LAMC1: variants seen among roughly 807,000 people sequenced by gnomAD.
The protein encoded by LAMC1 is laminin subunit gamma 1, also known as laminin subunit gamma-1.
LAMC1 carries 38 observed loss-of-function variants against 173.6 expected under a neutral mutation model. That is an observed-to-expected ratio of 0.22 (90% CI 0.17 to 0.29). The LOEUF (loss-of-function observed/expected upper bound fraction) is 0.29, where lower values mean the gene tolerates loss of function less well. Among genes scored for constraint, LAMC1 ranks in the 10% least tolerant of loss-of-function variants. LAMC1 has a pLI of 1.00. For synonymous variants in LAMC1, 746 were observed against 749.1 expected, an observed-to-expected ratio of 1.00 and a Z score of 0.07; for missense variants, 1,824 against 2,051.8, an observed-to-expected ratio of 0.89 and a Z score of 2.14.
chr1:183,085,542 T>C (rs1655404205), intron 1 of LAMC1, among the ~76,000 whole-genome samples: 1 of 152,020 alleles, frequency 6.6e-6, no homozygotes, highest in Non-Finnish European at 1.5e-5. Flanking sequence ...TTTGTGTTTT[T>C]TTTTTCTGTA....
intron 1 of LAMC1, among the ~76,000 whole-genome samples, chr1:183,067,448 T>TTA (rs1338008267): frequency 6.6e-6 from 1 of 152,168 alleles, no homozygotes; most frequent in Non-Finnish European, 1.5e-5. Context: ...TGTTCTGTAC[T>TTA]TATATATATA....
chr1:183,116,530 A>T (rs369228599), intron 6 of LAMC1, 47 bp from the exon 7 acceptor site: 1 of 1,296,346 alleles, frequency 7.7e-7, no homozygotes, highest in Middle Eastern at 1.9e-4. Flanking sequence ...TGAAGAGTGG[A>T]AGTTTTCTCC....
Position 183,026,529 on chromosome 1 carries a change from C to T in LAMC1, c.418+2395C>T, listed in dbSNP as rs548292524. Among the ~76,000 whole-genome samples, 6 of 152,302 alleles carry T rather than the reference C, an allele frequency of 3.9e-5. No individual in the cohort carries two copies. In the South Asian group the frequency reaches 1.2e-3, roughly 32 times the overall value. On this transcript the variant is annotated intron_variant, in intron 1 of 27. Transcript: ENST00000258341. ...GATGTTTAGCATATTCACTCCCCAACTCCAGTTACTCCATGGGCTGTAGCT... is the reference window on the plus strand; with the variant it reads ...GATGTTTAGCATATTCACTCCCCAATTCCAGTTACTCCATGGGCTGTAGCT...
intron 1 of LAMC1, among the ~76,000 whole-genome samples, chr1:183,039,640 A>C (rs1192006195): frequency 2.0e-5 from 3 of 152,206 alleles, no homozygotes; most frequent in Non-Finnish European, 2.9e-5. Context: ...GGTAGACTTC[A>C]GGATCATTCA....
rs146332680 is a variant in LAMC1, at chr1:183,133,322, A to T, written c.3705-84A>T. The T allele has an allele frequency of 6.6e-6, 8 of 1,217,542 alleles. No individual in the cohort carries two copies. In the African/African-American group the frequency reaches 1.2e-4, roughly 19 times the overall value. The allele number at this position is 1,217,542 out of a possible 1,614,324, so 75.4% of individuals were successfully genotyped here. A position where few individuals can be genotyped will look rare whatever the true frequency, so the allele number is the denominator to read the frequency against. On this transcript the variant is annotated intron_variant, in intron 21 of 27. Coordinates refer to ENST00000258341, the MANE Select transcript of LAMC1 (RefSeq NM_002293.4). ...TTTCCTTTGAGGTTTTGGGCGTATT[A>T]TCACATGATCATGTTAATCTGGTTA... is the stretch of plus-strand genomic sequence containing the variant.
chr1:183,122,019 T>C lies in LAMC1; in HGVS notation c.2213-44T>C, dbSNP rs751753997. ...TGTAGAAAGTGCTCATTGTCTTATA[T>C]ACTTGTACATTTGCCTGTTTTCTCA... On this transcript the variant is annotated intron_variant, in intron 12 of 27. Coordinates refer to ENST00000258341, the MANE Select transcript of LAMC1 (RefSeq NM_002293.4). 4 of 1,609,340 alleles carry C rather than the reference T, an allele frequency of 2.5e-6. No individual in the cohort carries two copies. In the East Asian group the frequency reaches 6.7e-5, roughly 27 times the overall value.
intron 26 of LAMC1, among the ~76,000 whole-genome samples, chr1:183,138,880 G>T (rs537571623): frequency 2.0e-5 from 3 of 151,970 alleles, no homozygotes; most frequent in Admixed American, 6.6e-5. Context: ...ATGGTGAAAC[G>T]CTATCTCTAC....
intron 1 of LAMC1, among the ~76,000 whole-genome samples, chr1:183,037,790 G>A (rs1241787478): frequency 6.6e-6 from 1 of 151,998 alleles, no homozygotes; most frequent in East Asian, 1.9e-4. Context: ...TTCCCATTAG[G>A]ACATGTATTT....
At position 183,114,511 on chromosome 1, in the gene LAMC1, T is replaced by G. The variant is rs750756738; in HGVS notation, c.1022-20T>G. 2.2e-5 allele frequency: 35 copies of G among 1,613,468 alleles called. No homozygotes were observed. The highest frequency in any genetic ancestry group is 2.9e-5 in the Non-Finnish European group (34 of 1,179,518). ...TAAAGGTACCCAGATCTGATGTAAC[T>G]CGTGTGTTTTGACTGACAGCCTGTG... On this transcript the variant is annotated intron_variant, in intron 4 of 27. Coordinates refer to ENST00000258341, the MANE Select transcript of LAMC1 (RefSeq NM_002293.4).
intron 17 of LAMC1, 74 bp downstream of exon 17, chr1:183,127,478 A>G (rs1348811962): frequency 1.7e-5 from 24 of 1,383,918 alleles, no homozygotes; most frequent in Non-Finnish European, 2.3e-5. Flanking sequence ...ACTAATCTCT[A>G]TAGAAAAAGT....
chr1:183,039,355 G>T (rs528512595), intron 1 of LAMC1, among the ~76,000 whole-genome samples: 1 of 152,134 alleles, frequency 6.6e-6, no homozygotes, highest in African/African-American at 2.4e-5. Context: ...GTAAAGGGTC[G>T]TGATCAGTGG....
intron 1 of LAMC1, among the ~76,000 whole-genome samples, chr1:183,034,559 C>T (rs1273176914): frequency 2.0e-5 from 3 of 152,224 alleles, no homozygotes; most frequent in South Asian, 2.1e-4. Flanking sequence ...GCGTGAGCCA[C>T]CGCGCCCAGC....
intron 1 of LAMC1, among the ~76,000 whole-genome samples, chr1:183,069,579 C>T (rs1654957773): frequency 1.3e-5 from 2 of 152,180 alleles, no homozygotes; most frequent in Admixed American, 1.3e-4. Flanking sequence ...GAAGAGAGGT[C>T]TGGGTGTCCA....
In LAMC1 at chr1:183,108,459, G is replaced by A. The variant is rs1656051008; in HGVS notation, c.854+53G>A. ...AAGTGTTTGGAGCTTTTGCATAGAG[G>A]TGAATCTAGCAACTTGTTTACAACT... On this transcript the variant is annotated intron_variant, in intron 3 of 27. Transcript: ENST00000258341. The A allele has an allele frequency of 2.6e-6, 4 of 1,534,162 alleles. No individual in the cohort carries two copies. The South Asian group carries it at 4.6e-5, about 18-fold the overall frequency.
At chr1:183,087,283 C>T (rs1046370099) in intron 1 of LAMC1, among the ~76,000 whole-genome samples, 17 of 152,300 alleles carry the variant, frequency 1.1e-4, no homozygotes, top group African/African-American at 4.1e-4. Context: ...TCTCGTTCTT[C>T]TATTGGGTTG....
At chr1:183,062,284 A>G (rs930135841) in intron 1 of LAMC1, among the ~76,000 whole-genome samples, 1 of 152,254 alleles carries the variant, frequency 6.6e-6, no homozygotes, top group Non-Finnish European at 1.5e-5. Flanking sequence ...TTGTCAGAAC[A>G]TGATAAAAAT....
intron 1 of LAMC1, among the ~76,000 whole-genome samples, chr1:183,053,312 T>C (rs963199026): frequency 6.6e-6 from 1 of 152,192 alleles, no homozygotes; most frequent in Non-Finnish European, 1.5e-5. Flanking sequence ...CTGAAACAGG[T>C]TTATCAAAGC....
Position 183,103,594 on chromosome 1 carries a change from C to G in LAMC1, c.685C>G (p.Pro229Ala). Residue 229 changes from proline to alanine, a missense_variant, in exon 2 of 28, where the codon CCC becomes GCC. Pro to Ala is a conservative substitution (Grantham distance 27). Coordinates refer to ENST00000258341, the MANE Select transcript of LAMC1 (RefSeq NM_002293.4). The stretch of plus-strand genomic sequence containing the variant: ...GGCCTTTTCTACCCTGGAAGGAAGG[C>G]CCAGCGCCTATAACTTTGACAATAG... ...NVAFSTLEGR[P>A]SAYNFDNSPV... The G allele has an allele frequency of 6.3e-7, 1 of 1,593,488 alleles. No homozygotes were observed. The highest frequency in any genetic ancestry group is 8.5e-7 in the Non-Finnish European group (1 of 1,170,536).
intron 26 of LAMC1, 166 bp downstream of exon 26, chr1:183,137,993 G>A (rs1310485830): frequency 1.6e-6 from 1 of 630,240 alleles, no homozygotes; most frequent in Non-Finnish European, 2.4e-6. Flanking sequence ...AAAGAATTTG[G>A]ATCTTCTGCC....
Sources: gnomAD v4.1 joint callset for allele counts (sites outside exome capture counted in the v4.1 genomes callset) on GRCh38, gnomAD v4.1.1 for gene constraint, MANE v1.5 for transcripts, NCBI Gene and HGNC (gene_info 2026-07-23, HGNC 2026-07-21) for gene names.